Variants in HDAC8 observed in about 807,000 individuals in gnomAD.
The protein encoded by HDAC8 is histone deacetylase-like 1.
Under a neutral mutation model 32.2 loss-of-function variants are expected in HDAC8, and 1 was observed. The ratio of observed to expected loss-of-function variants is 0.03; its 90% confidence interval spans 0.01 to 0.15. The LOEUF (loss-of-function observed/expected upper bound fraction) is 0.15, where lower values mean the gene tolerates loss of function less well. Ranked by LOEUF, HDAC8 falls within the 10% of genes least tolerant of loss-of-function variation. HDAC8 has a pLI of 1.00. For synonymous variants in HDAC8, 108 were observed against 113.9 expected (o/e 0.95, Z 0.33); for missense variants, 117 against 300.0 (o/e 0.39, Z 4.51).
chrX:72,539,476 G>A (rs1401630351), intron 4 of HDAC8, among the ~76,000 whole-genome samples: 4 of 108,442 alleles, frequency 3.7e-5, no homozygotes, highest in African/African-American at 1.3e-4. Flanking sequence ...TCTTGACCTC[G>A]TGATCCACCC....
intron 4 of HDAC8, among the ~76,000 whole-genome samples, chrX:72,543,912 G>C (rs2050783631): frequency 8.9e-6 from 1 of 112,736 alleles, no homozygotes; most frequent in Admixed American, 9.3e-5. Context: ...CTATTAGAAT[G>C]GGGCACATGG....
At chrX:72,453,259 C>G (rs1333723459) in intron 9 of HDAC8, among the ~76,000 whole-genome samples, 3 of 109,030 alleles carry the variant, frequency 2.8e-5, no homozygotes, top group African/African-American at 1.0e-4. Flanking sequence ...TCAGCCTGGA[C>G]AACAGCCTGG....
At chrX:72,470,537 C>T (rs2048142816) in intron 7 of HDAC8, among the ~76,000 whole-genome samples, 1 of 111,655 alleles carries the variant, frequency 9.0e-6, no homozygotes, top group African/African-American at 3.3e-5. Flanking sequence ...CCTGCTGATT[C>T]AGTTCCTGTA....
At chrX:72,410,563 G>A (rs150969790) in intron 9 of HDAC8, among the ~76,000 whole-genome samples, 78 of 111,808 alleles carry the variant, frequency 7.0e-4, no homozygotes, top group Middle Eastern at 4.6e-3. Context: ...TTATCAACCT[G>A]GCCTCTCTGT....
intron 4 of HDAC8, among the ~76,000 whole-genome samples, chrX:72,527,443 C>T (rs973438798): frequency 3.6e-5 from 4 of 111,580 alleles, no homozygotes; most frequent in Non-Finnish European, 5.6e-5. Context: ...AATTACATTA[C>T]GGTAGAATGC....
chrX:72,460,249 G>T (rs917316444), intron 9 of HDAC8, among the ~76,000 whole-genome samples: 10 of 110,671 alleles, frequency 9.0e-5, no homozygotes, highest in Non-Finnish European at 1.7e-4. Context: ...CAATTCGCTT[G>T]CCTCAGCCTC....
chrX:72,415,983 G>A (rs1189925475), intron 9 of HDAC8, among the ~76,000 whole-genome samples: 3 of 111,158 alleles, frequency 2.7e-5, no homozygotes, highest in Non-Finnish European at 3.8e-5. Flanking sequence ...GCAGAAATAC[G>A]GTCTTTCTTT....
At chrX:72,504,009 C>G (rs1303231991) in intron 4 of HDAC8, among the ~76,000 whole-genome samples, 1 of 112,124 alleles carries the variant, frequency 8.9e-6, no homozygotes, top group African/African-American at 3.2e-5. Flanking sequence ...ATCTTCTTAG[C>G]TTGATAGGCT....
chrX:72,550,995 A>G (rs2051049690), intron 4 of HDAC8, among the ~76,000 whole-genome samples: 1 of 110,383 alleles, frequency 9.1e-6, no homozygotes, highest in South Asian at 4.0e-4. Context: ...ATCGTCAGGT[A>G]TATCAGTTAG....
intron 4 of HDAC8, among the ~76,000 whole-genome samples, chrX:72,555,603 A>G (rs1423572979): frequency 8.9e-6 from 1 of 112,471 alleles, no homozygotes; most frequent in Non-Finnish European, 1.9e-5. Flanking sequence ...GAGAAATGCA[A>G]AATGCACTGG....
intron 7 of HDAC8, among the ~76,000 whole-genome samples, chrX:72,487,731 T>TAA (rs782775030): frequency 0.041 from 3,048 of 74,996 alleles, 169 homozygotes; most frequent in African/African-American, 0.14. Flanking sequence ...TCTGTTATGG[T>TAA]AAAAAAAAAA....
chrX:72,551,685 A>C (rs1556071941), intron 4 of HDAC8, among the ~76,000 whole-genome samples: 2 of 111,762 alleles, frequency 1.8e-5, no homozygotes, highest in African/African-American at 6.5e-5. Flanking sequence ...TAATTGATTG[A>C]TTGTGAAAGC....
At chrX:72,569,300 T>C (rs1207775926) in intron 2 of HDAC8, among the ~76,000 whole-genome samples, 1 of 112,095 alleles carries the variant, frequency 8.9e-6, no homozygotes, top group African/African-American at 3.2e-5. Flanking sequence ...AATAGGCAGC[T>C]ATGTTATCAT....
chrX:72,389,437 A>G (rs1035932674), intron 9 of HDAC8, among the ~76,000 whole-genome samples: 3 of 112,126 alleles, frequency 2.7e-5, no homozygotes, highest in Non-Finnish European at 5.6e-5. Context: ...TTGAGTCAGC[A>G]AGATCTGGGT....
At chrX:72,401,247 A>AT (rs1349690409) in intron 9 of HDAC8, among the ~76,000 whole-genome samples, 1 of 110,936 alleles carries the variant, frequency 9.0e-6, no homozygotes, top group African/African-American at 3.3e-5. Flanking sequence ...TTATTTTTTT[A>AT]TTTTTTGAGA....
intron 9 of HDAC8, among the ~76,000 whole-genome samples, chrX:72,389,635 G>T (rs781850561): frequency 8.9e-6 from 1 of 112,212 alleles, no homozygotes; most frequent in African/African-American, 3.2e-5. Flanking sequence ...CACACTTCTA[G>T]TTAAAGGATC....
chrX:72,417,164 A>G (rs1380804985), intron 9 of HDAC8, among the ~76,000 whole-genome samples: 2 of 111,376 alleles, frequency 1.8e-5, no homozygotes, highest in Non-Finnish European at 3.8e-5. Flanking sequence ...TCCCCTTGAG[A>G]ACCAGAACAA....
chrX:72,380,212 T>C (rs1437011174), intron 9 of HDAC8, among the ~76,000 whole-genome samples: 6 of 112,024 alleles, frequency 5.4e-5, no homozygotes, highest in African/African-American at 1.9e-4. Context: ...TAGCTTAATG[T>C]TCACCACAAC....
At chrX:72,461,332 A>G (rs2047862277) in intron 9 of HDAC8, among the ~76,000 whole-genome samples, 1 of 112,078 alleles carries the variant, frequency 8.9e-6, no homozygotes, top group African/African-American at 3.2e-5. Context: ...GATTATCAGC[A>G]CACTCACAGG....
Sources: gnomAD v4.1 joint callset for allele counts (sites outside exome capture counted in the v4.1 genomes callset) on GRCh38, gnomAD v4.1.1 for gene constraint, MANE v1.5 for transcripts, NCBI Gene and HGNC (gene_info 2026-07-23, HGNC 2026-07-21) for gene names.